NBEA: variants seen among roughly 807,000 people sequenced by gnomAD.
NBEA encodes neurobeachin.
A neutral mutation model predicts 343.4 loss-of-function variants in NBEA; 44 were observed. The ratio of observed to expected loss-of-function variants is 0.13; its 90% CI spans 0.10 to 0.16. NBEA has a LOEUF of 0.16. Ranked by LOEUF, NBEA falls within the 10% of genes least tolerant of loss-of-function variation. NBEA has a pLI of 1.00. For synonymous variants in NBEA, 1,175 were observed against 1,238.7 expected (o/e 0.95, Z 1.08); for missense variants, 2,555 against 3,631.3 (o/e 0.70, Z 7.62).
chr13:35,365,931 G>C (rs762942363), intron 38 of NBEA, among the ~76,000 whole-genome samples: 1 of 151,450 alleles, frequency 6.6e-6, no homozygotes, highest in Non-Finnish European at 1.5e-5. Context: ...TCTGATATTT[G>C]TGCTCACAAG....
chr13:35,064,953 A>T (rs1221186723), intron 8 of NBEA, among the ~76,000 whole-genome samples: 1 of 150,772 alleles, frequency 6.6e-6, no homozygotes, highest in Non-Finnish European at 1.5e-5. Flanking sequence ...TTTTCATAGC[A>T]GACCCAGCAA....
rs571128667 is a variant in NBEA at position 35,154,207 on chromosome 13, G to A, written c.2446-1567G>A. Among the ~76,000 whole-genome samples, 195 of 152,216 alleles carry A rather than the reference G, an allele frequency of 1.3e-3. 1 individual carries two copies. Among genetic ancestry groups the A allele is most frequent in the Non-Finnish European group, 2.3e-3 (158 of 67,982 alleles). ...CCTAATATACTTATGTAAATGTCCT[G>A]TCTTAGTCTGAGCAGAAGGGGAAGG... is the stretch of plus-strand genomic sequence containing the variant. On this transcript the variant is annotated intron_variant, in intron 18 of 58. Transcript: ENST00000379939.
intron 34 of NBEA, among the ~76,000 whole-genome samples, chr13:35,259,774 CA>C (rs1463266826): frequency 4.6e-5 from 7 of 152,194 alleles, no homozygotes; most frequent in South Asian, 2.1e-4. Flanking sequence ...TCATAACTTT[CA>C]AAAAGCCACT....
chr13:35,470,729 T>C (rs1273295840), intron 40 of NBEA, among the ~76,000 whole-genome samples: 2 of 151,964 alleles, frequency 1.3e-5, no homozygotes, highest in Non-Finnish European at 2.9e-5. Flanking sequence ...GGCCCGAGCG[T>C]TGGGGGATTC....
chr13:35,479,176 A>G (rs1296312097), intron 41 of NBEA, among the ~76,000 whole-genome samples: 1 of 152,246 alleles, frequency 6.6e-6, no homozygotes, highest in Non-Finnish European at 1.5e-5. Context: ...TTTAGTTTAA[A>G]GGACGCCAGG....
At chr13:35,039,006 C>T (rs1009261109) in intron 1 of NBEA, among the ~76,000 whole-genome samples, 1 of 152,156 alleles carries the variant, frequency 6.6e-6, no homozygotes, top group African/African-American at 2.4e-5. Flanking sequence ...GCACTCTGGC[C>T]TTTGGTACTG....
At chr13:35,446,488 A>T (rs1418890311) in intron 39 of NBEA, among the ~76,000 whole-genome samples, 2 of 152,086 alleles carry the variant, frequency 1.3e-5, no homozygotes, top group African/African-American at 4.8e-5. Context: ...GTTGTTTCTA[A>T]GATATAAATG....
At chr13:35,129,397 A>G (rs970091575) in intron 17 of NBEA, among the ~76,000 whole-genome samples, 1 of 152,202 alleles carries the variant, frequency 6.6e-6, no homozygotes, top group African/African-American at 2.4e-5. Context: ...ACTAAAAGAA[A>G]CAAGACTTTA....
chr13:34,955,118 T>C (rs1357023733), intron 1 of NBEA, among the ~76,000 whole-genome samples: 2 of 152,168 alleles, frequency 1.3e-5, no homozygotes, highest in Non-Finnish European at 2.9e-5. Context: ...CCAGATTCCC[T>C]GACCCTTCGT....
chr13:35,168,028 C>G (rs1442141716), intron 24 of NBEA, among the ~76,000 whole-genome samples: 2 of 151,528 alleles, frequency 1.3e-5, no homozygotes, highest in Admixed American at 1.3e-4. Context: ...CTATTCTGTC[C>G]AAAAATAACA....
At chr13:34,967,150 T>A (rs2059847466) in intron 1 of NBEA, among the ~76,000 whole-genome samples, 1 of 151,860 alleles carries the variant, frequency 6.6e-6, no homozygotes, top group Non-Finnish European at 1.5e-5. Context: ...AAAGGTTTGT[T>A]ATTATTAGTG....
intron 31 of NBEA, among the ~76,000 whole-genome samples, chr13:35,202,803 A>G (rs1384931763): frequency 6.6e-6 from 1 of 152,108 alleles, no homozygotes; most frequent in Non-Finnish European, 1.5e-5. Context: ...AAAGAGGTAT[A>G]AAAAATTAGT....
At chr13:35,478,729 C>T (rs2075991970) in intron 41 of NBEA, among the ~76,000 whole-genome samples, 2 of 152,246 alleles carry the variant, frequency 1.3e-5, no homozygotes, top group South Asian at 4.1e-4. Flanking sequence ...AGCCAAGCCC[C>T]AGCCGCGGGC....
At chr13:34,944,792 A>G (rs2059138924) in intron 1 of NBEA, among the ~76,000 whole-genome samples, 1 of 152,168 alleles carries the variant, frequency 6.6e-6, no homozygotes, top group East Asian at 1.9e-4. Context: ...AAGTTAGATT[A>G]TATTAGGCTA....
chr13:35,362,285 A>C, intron 38 of NBEA, among the ~76,000 whole-genome samples: 1 of 151,958 alleles, frequency 6.6e-6, no homozygotes, highest in East Asian at 1.9e-4. Context: ...AAATTGGATT[A>C]GCTTTCTCTA....
chr13:34,995,368 C>T (rs2060903151), intron 1 of NBEA, among the ~76,000 whole-genome samples: 1 of 150,268 alleles, frequency 6.7e-6, no homozygotes, highest in African/African-American at 2.4e-5. Context: ...GAGGCAGGAG[C>T]TGAGATTGTG....
intron 49 of NBEA, among the ~76,000 whole-genome samples, chr13:35,631,628 G>T (rs2083457224): frequency 2.2e-5 from 2 of 92,020 alleles, no homozygotes; most frequent in South Asian, 4.4e-4. Context: ...ATCTATATAT[G>T]TCTCCTTTGT....
chr13:35,189,682 T>G (rs2072024861), intron 30 of NBEA, among the ~76,000 whole-genome samples: 1 of 152,026 alleles, frequency 6.6e-6, no homozygotes, highest in South Asian at 2.1e-4. Flanking sequence ...TTCTAAACAT[T>G]ACTTGTAAGT....
At chr13:35,510,059 T>C (rs1231073656) in intron 41 of NBEA, among the ~76,000 whole-genome samples, 1 of 152,212 alleles carries the variant, frequency 6.6e-6, no homozygotes, top group Non-Finnish European at 1.5e-5. Flanking sequence ...TTATAGCCAC[T>C]AACTGTTTAT....
Sources: allele counts gnomAD v4.1 joint callset (sites outside exome capture counted in the v4.1 genomes callset), GRCh38; gene constraint gnomAD v4.1.1; transcripts MANE v1.5; gene names NCBI Gene and HGNC (gene_info 2026-07-23, HGNC 2026-07-21).